The following ERBB4 variants were observed in gnomAD, a reference collection of about 807,000 sequenced individuals.
ERBB4 encodes the protein receptor tyrosine-protein kinase erbB-4.
In ERBB4, 42 loss-of-function variants were observed where a neutral mutation model predicts 158.0. That is an observed-to-expected ratio of 0.27 (90% confidence interval 0.21 to 0.34). The LOEUF is 0.34. Ranked by LOEUF, ERBB4 falls within the 10% of genes least tolerant of loss-of-function variation. The pLI, the probability that ERBB4 is intolerant of heterozygous loss-of-function variation, is 1.00. For missense variants in ERBB4, 1,333 were observed against 1,624.1 expected (o/e 0.82, Z 3.08); for synonymous variants, 583 against 558.7 (o/e 1.04, Z -0.61).
In ERBB4 at chr2:211,430,905, C is replaced by T. The variant is rs566344085; in HGVS notation, c.2643+40G>A. The T allele has an allele frequency of 2.6e-6, 4 of 1,512,590 alleles. No homozygotes were observed. In the African/African-American group the frequency reaches 5.5e-5, roughly 21 times the overall value. 93.7% of individuals were successfully genotyped at this position (1,512,590 alleles called of 1,614,324 possible). A position where few individuals can be genotyped will look rare whatever the true frequency, so the allele number is the denominator to read the frequency against. Reference sequence around the variant, plus strand: ...TATAAGGAGATAAAAGGATATTATACTATATTTTCAAGCAAGATTGCTCTC... The same window carrying T: ...TATAAGGAGATAAAAGGATATTATATTATATTTTCAAGCAAGATTGCTCTC... On this transcript the variant is annotated intron_variant, in intron 21 of 27. Coordinates refer to ENST00000342788, the MANE Select transcript of ERBB4 (RefSeq NM_005235.3).
chr2:211,968,354 C>T (rs1308789631), intron 2 of ERBB4, among the ~76,000 whole-genome samples: 1 of 151,992 alleles, frequency 6.6e-6, no homozygotes, highest in African/African-American at 2.4e-5. Flanking sequence ...TCAAGAATTG[C>T]TTGGCCAGTT....
chr2:211,387,291 T>G, intron 26 of ERBB4, 141 bp from the exon 27 acceptor site: 3 of 728,026 alleles, frequency 4.1e-6, no homozygotes, highest in Non-Finnish European at 7.3e-6. Context: ...CCCTAGTGGC[T>G]AATGGAGTTA....
intron 1 of ERBB4, among the ~76,000 whole-genome samples, chr2:212,185,479 C>A (rs550471044): frequency 2.0e-5 from 3 of 152,040 alleles, no homozygotes; most frequent in Non-Finnish European, 2.9e-5. Flanking sequence ...ATATAAATAA[C>A]CCTCAAAGAG....
intron 20 of ERBB4, among the ~76,000 whole-genome samples, chr2:211,507,855 A>G (rs1192549675): frequency 6.6e-6 from 1 of 152,146 alleles, no homozygotes; most frequent in African/African-American, 2.4e-5. Context: ...CTGATCTTTG[A>G]CAAACCTGAC....
chr2:212,084,066 T>C (rs2078529097), intron 2 of ERBB4, among the ~76,000 whole-genome samples: 1 of 151,928 alleles, frequency 6.6e-6, no homozygotes, highest in African/African-American at 2.4e-5. Flanking sequence ...AGGTAAATCT[T>C]CTGTAAATGA....
chr2:212,222,657 T>A (rs2105958082), intron 1 of ERBB4, among the ~76,000 whole-genome samples: 1 of 151,490 alleles, frequency 6.6e-6, no homozygotes, highest in Middle Eastern at 3.4e-3. Flanking sequence ...CTCCTTTGGG[T>A]CCCAGTTTAA....
chr2:211,729,905 G>A (rs748980306), intron 5 of ERBB4, among the ~76,000 whole-genome samples: 1 of 151,606 alleles, frequency 6.6e-6, no homozygotes, highest in East Asian at 1.9e-4. Context: ...TTTCATTGGC[G>A]GTATGCACTA....
At chr2:212,033,669 C>T (rs892854098) in intron 2 of ERBB4, among the ~76,000 whole-genome samples, 1 of 151,542 alleles carries the variant, frequency 6.6e-6, no homozygotes, top group Non-Finnish European at 1.5e-5. Flanking sequence ...ATAAGTATTA[C>T]CAGAAGTAAT....
intron 3 of ERBB4, among the ~76,000 whole-genome samples, chr2:211,808,848 T>C (rs1433488550): frequency 6.6e-6 from 1 of 152,208 alleles, no homozygotes; most frequent in Non-Finnish European, 1.5e-5. Context: ...TTCACATCCC[T>C]TGTAAGTTGG....
chr2:211,615,268 A>G (rs2069342647), intron 19 of ERBB4, among the ~76,000 whole-genome samples: 1 of 152,004 alleles, frequency 6.6e-6, no homozygotes, highest in South Asian at 2.1e-4. Context: ...GTGGTGCCCA[A>G]TTTTAAGAAT....
chr2:211,398,186 G>T (rs146579204), intron 25 of ERBB4, among the ~76,000 whole-genome samples: 1 of 152,074 alleles, frequency 6.6e-6, no homozygotes, highest in East Asian at 1.9e-4. Context: ...TATCTTTCAT[G>T]TCTCCTCTAC....
intron 1 of ERBB4, among the ~76,000 whole-genome samples, chr2:212,523,132 T>C (rs1242294171): frequency 1.3e-5 from 2 of 151,954 alleles, no homozygotes; most frequent in African/African-American, 2.4e-5. Flanking sequence ...CCTTAAAATA[T>C]TTCCAAAGCT....
intron 19 of ERBB4, among the ~76,000 whole-genome samples, chr2:211,594,189 C>A (rs2068559187): frequency 6.6e-6 from 1 of 152,174 alleles, no homozygotes; most frequent in South Asian, 2.1e-4. Context: ...ATAATCCCAG[C>A]ACTTTGGGAG....
intron 3 of ERBB4, among the ~76,000 whole-genome samples, chr2:211,824,431 A>G (rs775151764): frequency 1.1e-4 from 17 of 152,010 alleles, no homozygotes; most frequent in Non-Finnish European, 2.1e-4. Context: ...AAAGTTCCAG[A>G]GCACGCTTCA....
chr2:211,450,493 GGACCA>G, intron 20 of ERBB4, among the ~76,000 whole-genome samples: 1 of 152,120 alleles, frequency 6.6e-6, no homozygotes, highest in Non-Finnish European at 1.5e-5. Context: ...ATGGCAGCCC[GGACCA>G]GGGTGGTGCT....
At chr2:212,457,008 G>A (rs746334627) in intron 1 of ERBB4, among the ~76,000 whole-genome samples, 2 of 151,762 alleles carry the variant, frequency 1.3e-5, no homozygotes, top group African/African-American at 2.4e-5. Flanking sequence ...TACTCTACAG[G>A]TGCCCCAAAG....
intron 1 of ERBB4, among the ~76,000 whole-genome samples, chr2:212,294,797 C>T (rs72945702): frequency 0.2 from 29,737 of 151,950 alleles, 3,161 homozygotes; most frequent in South Asian, 0.34. Context: ...ATAAATAATA[C>T]AGCTCTATTT....
intron 7 of ERBB4, among the ~76,000 whole-genome samples, chr2:211,718,210 C>A (rs925982265): frequency 2.0e-5 from 3 of 151,924 alleles, no homozygotes; most frequent in Admixed American, 6.6e-5. Context: ...CCGTGCCTGG[C>A]CAGAAGATAT....
At chr2:212,312,657 A>C (rs1485615274) in intron 1 of ERBB4, among the ~76,000 whole-genome samples, 1 of 150,960 alleles carries the variant, frequency 6.6e-6, no homozygotes, top group East Asian at 2.0e-4. Flanking sequence ...TTCAGAAAAA[A>C]ATTATCTTGT....
Sources: allele counts gnomAD v4.1 joint callset (sites outside exome capture counted in the v4.1 genomes callset), GRCh38; gene constraint gnomAD v4.1.1; transcripts MANE v1.5; gene names NCBI Gene and HGNC (gene_info 2026-07-23, HGNC 2026-07-21).